Variants in SIRT1 observed in about 807,000 individuals in gnomAD.
The protein encoded by SIRT1 is sirtuin 1.
Under a neutral mutation model 67.9 loss-of-function variants are expected in SIRT1, and 24 were observed. That is an observed-to-expected ratio of 0.35 (90% CI 0.26 to 0.50). SIRT1 has a LOEUF of 0.50. Ranked by LOEUF, SIRT1 falls within the 20% of genes least tolerant of loss-of-function variation. The probability of loss-of-function intolerance (pLI) is 0.98; values close to 1 mark genes in which losing one functional copy is unlikely to be tolerated. For missense variants in SIRT1, 873 were observed against 937.2 expected (o/e 0.93, Z 0.89); for synonymous variants, 378 against 350.7 (o/e 1.08, Z -0.87).
intron 5 of SIRT1, 22 bp from the exon 6 acceptor site, chr10:67,908,024 T>C (rs1241915041): frequency 6.3e-7 from 1 of 1,588,516 alleles, no homozygotes; most frequent in Non-Finnish European, 8.6e-7. Context: ...TAATAAAGCA[T>C]ATATATGTTG....
chr10:67,910,317 A>ATG (rs1842880202), intron 7 of SIRT1, among the ~76,000 whole-genome samples: 2 of 152,032 alleles, frequency 1.3e-5, no homozygotes, highest in South Asian at 4.1e-4. Flanking sequence ...AGAGGTTGCA[A>ATG]TGAGCCGAGA....
At chr10:67,914,811 G>A (rs1287430447) in intron 8 of SIRT1, among the ~76,000 whole-genome samples, 13 of 151,540 alleles carry the variant, frequency 8.6e-5, no homozygotes, top group Non-Finnish European at 1.5e-4. Flanking sequence ...GGGTTCAAGC[G>A]ATTCTCCTGC....
intron 4 of SIRT1, among the ~76,000 whole-genome samples, chr10:67,901,822 TAAATC>T (rs1842749283): frequency 1.3e-5 from 2 of 152,246 alleles, no homozygotes; most frequent in Admixed American, 6.5e-5. Context: ...ATTTATTACT[TAAATC>T]AACAAATAAA....
At chr10:67,911,747 C>G (rs985957566) in intron 7 of SIRT1, among the ~76,000 whole-genome samples, 2 of 148,974 alleles carry the variant, frequency 1.3e-5, no homozygotes, top group Non-Finnish European at 3.0e-5. Flanking sequence ...GTCCTTCCTT[C>G]CGTTCATCTG....
At chr10:67,915,865 A>T (rs923225359) in intron 8 of SIRT1, among the ~76,000 whole-genome samples, 3 of 152,156 alleles carry the variant, frequency 2.0e-5, no homozygotes, top group Non-Finnish European at 4.4e-5. Context: ...TCCCTCCTTC[A>T]TAGGGTTGTG....
At chr10:67,911,629 T>G (rs1205858284) in intron 7 of SIRT1, among the ~76,000 whole-genome samples, 4 of 22,194 alleles carry the variant, frequency 1.8e-4, no homozygotes, top group African/African-American at 6.9e-4. Context: ...CCTCCCTCCC[T>G]CCCTTCCGTT....
At chr10:67,912,340 A>G in intron 7 of SIRT1, 134 bp from the exon 8 acceptor site, 1 of 714,590 alleles carries the variant, frequency 1.4e-6, no homozygotes, top group South Asian at 1.9e-5. Context: ...TTGGTTAAGT[A>G]TTTAGTGCAT....
intron 4 of SIRT1, 54 bp from the exon 5 acceptor site, chr10:67,906,736 C>G (rs947686489): frequency 6.5e-7 from 1 of 1,530,378 alleles, no homozygotes; most frequent in African/African-American, 1.4e-5. Context: ...AAACATATGA[C>G]ATCTGTAGTT....
At chr10:67,915,253 C>G (rs1381743138) in intron 8 of SIRT1, among the ~76,000 whole-genome samples, 1 of 152,118 alleles carries the variant, frequency 6.6e-6, no homozygotes, top group East Asian at 1.9e-4. Flanking sequence ...GGTAACCAGG[C>G]TTTTGAGAAT....
Position 67,918,104 on chromosome 10 carries a change from A to G in SIRT1, c.*1511A>G, listed in dbSNP as rs2029981664. On this transcript the variant is annotated 3_prime_UTR_variant, in exon 9 of 9. Transcript: ENST00000212015. The stretch of plus-strand genomic sequence containing the variant: ...TCTCAATCTGAATTTATTTGGCTAC[A>G]CTAAAGAATGCAGTATATTTAGTTT... The G allele has an allele frequency of 6.6e-6, 1 of 152,670 alleles. No individual in the cohort carries two copies. The highest frequency in any genetic ancestry group is 1.5e-5 in the Non-Finnish European group (1 of 68,036). The allele number at this position is 152,670 out of a possible 1,614,324, so 9.5% of individuals were successfully genotyped here.
chr10:67,887,359 C>A, intron 1 of SIRT1, 58 bp from the exon 2 acceptor site: 3 of 1,060,244 alleles, frequency 2.8e-6, no homozygotes, highest in South Asian at 1.3e-5. Context: ...TATAACCGTT[C>A]ATACATTTTA....
At chr10:67,901,130 T>C (rs924024755) in intron 4 of SIRT1, among the ~76,000 whole-genome samples, 1 of 152,096 alleles carries the variant, frequency 6.6e-6, no homozygotes, top group Non-Finnish European at 1.5e-5. Context: ...CAGTAAATAC[T>C]GCATAGAGGT....
At chr10:67,885,941 CTTTTTTTTTT>C (rs766544980) in intron 1 of SIRT1, among the ~76,000 whole-genome samples, 47 of 95,564 alleles carry the variant, frequency 4.9e-4, no homozygotes, top group Admixed American at 1.7e-3. Flanking sequence ...TTGAAGGTTT[CTTTTTTTTTT>C]TTTTTTTTTT....
chr10:67,906,696 T>C (rs2131879762), intron 4 of SIRT1, 94 bp from the exon 5 acceptor site: 1 of 1,209,010 alleles, frequency 8.3e-7, no homozygotes, highest in Non-Finnish European at 1.2e-6. Context: ...TTTAAAATTA[T>C]GTGTGTGGGA....
At chr10:67,908,212 G>A in intron 6 of SIRT1, 87 bp downstream of exon 6, 1 of 1,053,894 alleles carries the variant, frequency 9.5e-7, no homozygotes, top group Admixed American at 2.1e-5. Context: ...CCCCTTTAAA[G>A]TATATATGGT....
At position 67,884,997 on chromosome 10, in the gene SIRT1, C is replaced by T; in HGVS notation, c.276C>T (p.Ala92=). The change falls in exon 1 of 9, where the codon GCC becomes GCT. Residue 92 remains alanine, a synonymous_variant. Transcript: ENST00000212015. The part of the protein sequence containing the change: ...EAAAAGGEQE[A]QATAAAGEGD... Reference sequence around the variant, plus strand: ...CGGCGGCAGGCGGGGAGCAAGAGGCCCAGGCGACTGCGGCGGCTGGGGAAG... The same window carrying T: ...CGGCGGCAGGCGGGGAGCAAGAGGCTCAGGCGACTGCGGCGGCTGGGGAAG... 7.7e-7 allele frequency: 1 copy of T among 1,304,278 alleles called. No homozygotes were observed. Among genetic ancestry groups the T allele is most frequent in the South Asian group, 2.4e-5 (1 of 41,200 alleles). 80.8% of individuals were successfully genotyped at this position (1,304,278 alleles called of 1,614,324 possible). A position where few individuals can be genotyped will look rare whatever the true frequency, so the allele number is the denominator to read the frequency against.
At chr10:67,890,296 C>T (rs552946929) in intron 3 of SIRT1, among the ~76,000 whole-genome samples, 51 of 152,200 alleles carry the variant, frequency 3.4e-4, no homozygotes, top group African/African-American at 1.1e-3. Context: ...CCTTGTGATC[C>T]GCCTGCCTTG....
Position 67,916,358 on chromosome 10 carries a change from C to A in SIRT1, c.2009C>A (p.Ser670Tyr), listed in dbSNP as rs768864413. 3 of 1,614,164 alleles carry A rather than the reference C, an allele frequency of 1.9e-6. No individual in the cohort carries two copies. The highest frequency in any genetic ancestry group is 2.5e-6 in the Non-Finnish European group (3 of 1,180,020). The change falls in exon 9 of 9, where the codon TCT (serine) becomes TAT (tyrosine). Residue 670 changes from serine (S) to tyrosine (Y), a missense_variant. This residue lies in a region of SIRT1 where 295 missense variants were observed against 294.5 expected (regional missense o/e 1.00). Transcript: ENST00000212015. ...GAAGATGACGTCTTATCCTCTAGTTCTTGTGGCAGTAACAGTGATAGTGGG... is the reference window on the plus strand; with the variant it reads ...GAAGATGACGTCTTATCCTCTAGTTATTGTGGCAGTAACAGTGATAGTGGG... ...DSEDDVLSSS[S>Y]CGSNSDSGTC...
chr10:67,901,711 CTT>C (rs1352549467), intron 4 of SIRT1, among the ~76,000 whole-genome samples: 1 of 152,216 alleles, frequency 6.6e-6, no homozygotes, highest in Non-Finnish European at 1.5e-5. Context: ...TTGACATTCT[CTT>C]GTGTTAGGTT....
Sources: gnomAD v4.1 joint callset for allele counts (sites outside exome capture counted in the v4.1 genomes callset) on GRCh38, gnomAD v4.1.1 for gene constraint, gnomAD v4.1.1 regional missense constraint, MANE v1.5 for transcripts, NCBI Gene and HGNC (gene_info 2026-07-23, HGNC 2026-07-21) for gene names.